Variants in RALGAPA1 observed in about 807,000 individuals in gnomAD.
RALGAPA1 encodes ral GTPase-activating protein subunit alpha-1.
In RALGAPA1, 52 loss-of-function variants were observed where a neutral mutation model predicts 269.6. The observed-to-expected ratio is 0.19, with a 90% CI of 0.15 to 0.24. The LOEUF is 0.24. Among genes scored for constraint, RALGAPA1 ranks in the 10% least tolerant of loss-of-function variants. The probability of loss-of-function intolerance (pLI) is 1.00; values close to 1 mark genes in which losing one functional copy is unlikely to be tolerated. For synonymous variants in RALGAPA1, 817 were observed against 1,008.3 expected (o/e 0.81, Z 3.60); for missense variants, 1,917 against 3,013.9 (o/e 0.64, Z 8.52).
intron 17 of RALGAPA1, among the ~76,000 whole-genome samples, chr14:35,694,803 G>A (rs1486998994): frequency 6.6e-6 from 1 of 152,030 alleles, no homozygotes; most frequent in Non-Finnish European, 1.5e-5. Flanking sequence ...CAGGCCAGGC[G>A]CAATGGCTCA....
chr14:35,703,766 C>T (rs73250887), intron 16 of RALGAPA1, among the ~76,000 whole-genome samples: 2,793 of 151,754 alleles, frequency 0.018, 86 homozygotes, highest in African/African-American at 0.064. Context: ...GCTTAATGGG[C>T]AGTATGAAAA....
At chr14:35,550,909 A>C (rs1004284532) in intron 39 of RALGAPA1, among the ~76,000 whole-genome samples, 2 of 152,298 alleles carry the variant, frequency 1.3e-5, no homozygotes, top group Non-Finnish European at 2.9e-5. Flanking sequence ...TTGAGTCTTA[A>C]CATAAACAAG....
At chr14:35,700,630 T>A (rs1304297216) in intron 16 of RALGAPA1, among the ~76,000 whole-genome samples, 8 of 152,180 alleles carry the variant, frequency 5.3e-5, no homozygotes, top group Non-Finnish European at 1.2e-4. Flanking sequence ...ATTCACTGAA[T>A]GAAAACATTG....
At chr14:35,765,529 C>T (rs934005479) in intron 4 of RALGAPA1, among the ~76,000 whole-genome samples, 3 of 152,054 alleles carry the variant, frequency 2.0e-5, no homozygotes, top group Admixed American at 2.0e-4. Context: ...GAGACAGGTT[C>T]TTGCTCTGTC....
rs749256448 is a variant in RALGAPA1, at chr14:35,772,401, A to C, written c.268-1402T>G. Among the ~76,000 whole-genome samples, 8 of 152,316 alleles carry C rather than the reference A, an allele frequency of 5.3e-5. No individual in the cohort carries two copies. In the South Asian group the frequency reaches 1.5e-3, roughly 28 times the overall value. The stretch of plus-strand genomic sequence containing the variant: ...TTAGGAGCCCTGTAGTTAAGCTAAC[A>C]TATATAGGTTTCCATTAATTGGTAA... On this transcript the variant is annotated intron_variant, in intron 3 of 41. Transcript: ENST00000680220.
At chr14:35,722,946 C>T (rs2069559428) in intron 15 of RALGAPA1, 81 bp downstream of exon 15, 1 of 694,612 alleles carries the variant, frequency 1.4e-6, no homozygotes, top group Non-Finnish European at 2.5e-6. Context: ...ATTTCACCCT[C>T]ACCCCTCTCC....
chr14:35,727,310 CATATAT>C (rs34288628), intron 13 of RALGAPA1, among the ~76,000 whole-genome samples: 24,193 of 104,344 alleles, frequency 0.23, 2,696 homozygotes, highest in Admixed American at 0.33. Context: ...AAAATTATGG[CATATAT>C]ATATATATAT....
chr14:35,599,961 T>C lies in RALGAPA1; in HGVS notation c.7054-4172A>G, dbSNP rs1406088403. ...AATTAAATTATGATGTGTGTTACTA[T>C]AGATTTCTTTTGATTTATCCTGTTT... On this transcript the variant is annotated intron_variant, in intron 36 of 41. Coordinates refer to ENST00000680220, the MANE Select transcript of RALGAPA1 (RefSeq NM_001346249.2). Among the ~76,000 whole-genome samples, 5 of 152,184 alleles carry C rather than the reference T, an allele frequency of 3.3e-5. No homozygotes were observed. In the East Asian group the frequency reaches 5.8e-4, roughly 18 times the overall value.
At chr14:35,720,630 A>T (rs1316014779) in intron 16 of RALGAPA1, among the ~76,000 whole-genome samples, 1 of 152,212 alleles carries the variant, frequency 6.6e-6, no homozygotes, top group African/African-American at 2.4e-5. Flanking sequence ...TGAAGTACTT[A>T]AAAAGCCTAG....
intron 5 of RALGAPA1, among the ~76,000 whole-genome samples, chr14:35,762,243 A>G (rs562675779): frequency 6.6e-6 from 1 of 150,556 alleles, no homozygotes; most frequent in Non-Finnish European, 1.5e-5. Context: ...AACTCTTGCT[A>G]CGTTTTTTTT....
intron 35 of RALGAPA1, among the ~76,000 whole-genome samples, chr14:35,606,927 T>A (rs1332045625): frequency 6.6e-6 from 1 of 152,162 alleles, no homozygotes; most frequent in African/African-American, 2.4e-5. Context: ...TGGAATATTT[T>A]ACTTTAGGTG....
intron 39 of RALGAPA1, 139 bp downstream of exon 39, chr14:35,570,476 CAT>C (rs965421279): frequency 5.8e-6 from 4 of 692,556 alleles, no homozygotes; most frequent in East Asian, 7.0e-5. Context: ...TCCCGGGAAA[CAT>C]AATGATACTC....
chr14:35,643,096 A>G (rs1187069093), intron 31 of RALGAPA1, among the ~76,000 whole-genome samples: 1 of 149,412 alleles, frequency 6.7e-6, no homozygotes, highest in Non-Finnish European at 1.5e-5. Context: ...AAAACCAAAC[A>G]CCGCAAGTTC....
intron 14 of RALGAPA1, chr14:35,723,501 A>G (rs1032538553): frequency 3.0e-6 from 1 of 336,692 alleles, no homozygotes; most frequent in African/African-American, 2.1e-5. Context: ...AAATCTCCCT[A>G]AATTTATAAC....
In RALGAPA1 at chr14:35,684,078, T is replaced by C. The variant is rs2065707604; in HGVS notation, c.4295-93A>G. ...TCAGCAAAATGATCAAACATAAACA[T>C]TCCCCGTACATCTATTCTGTTTACA... is the stretch of plus-strand genomic sequence containing the variant. On this transcript the variant is annotated intron_variant, in intron 20 of 41. Transcript: ENST00000680220. 7 of 883,164 alleles carry C rather than the reference T, an allele frequency of 7.9e-6. No homozygotes were observed. The East Asian group carries it at 1.6e-4, about 20-fold the overall frequency. The allele number at this position is 883,164 out of a possible 1,614,324, so 54.7% of individuals were successfully genotyped here.
chr14:35,728,334 T>C (rs748039786), intron 13 of RALGAPA1, 28 bp downstream of exon 13: 13 of 1,518,168 alleles, frequency 8.6e-6, no homozygotes, highest in Middle Eastern at 4.9e-4. Flanking sequence ...TAAAAACACA[T>C]AGACATAAAG....
At chr14:35,604,593 G>C (rs950771217) in intron 36 of RALGAPA1, among the ~76,000 whole-genome samples, 1 of 151,500 alleles carries the variant, frequency 6.6e-6, no homozygotes, top group East Asian at 1.9e-4. Context: ...GTCTAATGCA[G>C]TGCTCTTTAA....
At chr14:35,779,600 C>A (rs1287141515) in intron 1 of RALGAPA1, among the ~76,000 whole-genome samples, 1 of 151,026 alleles carries the variant, frequency 6.6e-6, no homozygotes, top group East Asian at 1.9e-4. Flanking sequence ...TAGGCTGCTA[C>A]AATTACCTCT....
At chr14:35,549,044 T>A in intron 40 of RALGAPA1, 66 bp downstream of exon 40, 3 of 1,543,470 alleles carry the variant, frequency 1.9e-6, no homozygotes, top group Non-Finnish European at 2.6e-6. Flanking sequence ...AGCAAGTTTT[T>A]AGAACAAAAG....
Sources: gnomAD v4.1 joint callset for allele counts (sites outside exome capture counted in the v4.1 genomes callset) on GRCh38, gnomAD v4.1.1 for gene constraint, MANE v1.5 for transcripts, NCBI Gene and HGNC (gene_info 2026-07-23, HGNC 2026-07-21) for gene names.